Variants in MARCHF8 observed in about 807,000 individuals in gnomAD.
MARCHF8 encodes E3 ubiquitin-protein ligase MARCHF8.
Under a neutral mutation model 51.6 loss-of-function variants are expected in MARCHF8, and 40 were observed. The observed-to-expected ratio is 0.77, with a 90% CI of 0.60 to 1.01. The LOEUF is 1.01. Among genes scored for constraint, MARCHF8 ranks in the 50% least tolerant of loss-of-function variants. MARCHF8 has a pLI of 0.00. For missense variants in MARCHF8, 685 were observed against 708.6 expected (o/e 0.97, Z 0.38); for synonymous variants, 263 against 280.3 (o/e 0.94, Z 0.62).
intron 2 of MARCHF8, among the ~76,000 whole-genome samples, chr10:45,532,002 T>A (rs1455852021): frequency 6.6e-6 from 1 of 152,108 alleles, no homozygotes; most frequent in Middle Eastern, 3.2e-3. Context: ...CTGCTGAAGC[T>A]CTCACGGGGC....
At chr10:45,490,113 A>G (rs536062776) in intron 2 of MARCHF8, among the ~76,000 whole-genome samples, 1 of 152,348 alleles carries the variant, frequency 6.6e-6, no homozygotes, top group African/African-American at 2.4e-5. Flanking sequence ...TTTCTCAGCT[A>G]GAATTCTTGA....
At chr10:45,539,691 C>T (rs1012847498), upstream of MARCHF8, among the ~76,000 whole-genome samples, 1 of 152,178 alleles carries the variant, frequency 6.6e-6, no homozygotes, top group African/African-American at 2.4e-5. Context: ...ACTATAAACA[C>T]CTCTATGCAA....
At chr10:45,561,310 T>C (rs2044308122) in intron 1 of MARCHF8, among the ~76,000 whole-genome samples, 1 of 151,258 alleles carries the variant, frequency 6.6e-6, no homozygotes, top group Non-Finnish European at 1.5e-5. Flanking sequence ...ACTCTCCATC[T>C]GTCACCCAGG....
intron 1 of MARCHF8, among the ~76,000 whole-genome samples, chr10:45,563,309 G>A (rs937025815): frequency 6.6e-6 from 1 of 152,140 alleles, no homozygotes. Flanking sequence ...TTACAGCCGT[G>A]AGCCACTGCG....
chr10:45,562,158 T>C (rs1043309383), intron 1 of MARCHF8, among the ~76,000 whole-genome samples: 2 of 152,062 alleles, frequency 1.3e-5, no homozygotes, highest in Non-Finnish European at 2.9e-5. Context: ...AAGAATAGAC[T>C]GAGATGGACT....
At chr10:45,557,997 G>A (rs1170598626) in intron 1 of MARCHF8, among the ~76,000 whole-genome samples, 1 of 152,204 alleles carries the variant, frequency 6.6e-6, no homozygotes, top group Non-Finnish European at 1.5e-5. Flanking sequence ...TGTAAGAAAT[G>A]TCAATGATCA....
chr10:45,585,532 A>G (rs998286415), intron 1 of MARCHF8, among the ~76,000 whole-genome samples: 1 of 152,230 alleles, frequency 6.6e-6, no homozygotes. Flanking sequence ...AGGGCAAAAC[A>G]ACACAGCTTA....
At chr10:45,534,077 G>A (rs1313374596) in intron 1 of MARCHF8, among the ~76,000 whole-genome samples, 2 of 152,116 alleles carry the variant, frequency 1.3e-5, no homozygotes, top group Non-Finnish European at 2.9e-5. Flanking sequence ...CAGCTACTCA[G>A]GAGGCTGAGG....
At chr10:45,548,245 A>T (rs1336833234) in intron 1 of MARCHF8, among the ~76,000 whole-genome samples, 2 of 152,192 alleles carry the variant, frequency 1.3e-5, no homozygotes, top group African/African-American at 4.8e-5. Flanking sequence ...CTTGGCTAAG[A>T]GAGAGCAGTC....
At chr10:45,573,164 T>C (rs568559354) in intron 1 of MARCHF8, among the ~76,000 whole-genome samples, 2 of 152,304 alleles carry the variant, frequency 1.3e-5, no homozygotes, top group Admixed American at 1.3e-4. Context: ...TAAGACTCTT[T>C]ACAGCCCTAG....
Position 45,561,755 on chromosome 10 carries a change from G to A in MARCHF8, c.-78-28466C>T, listed in dbSNP as rs373195734. On this transcript the variant is annotated intron_variant, in intron 1 of 6. Coordinates refer to the MARCHF8 transcript ENST00000319836. Reference sequence around the variant, plus strand: ...CTCTACTAAAAAATACAAAAAATTAGCAGGGCGTGGTGGCAGGTGCCTGTA... The same window carrying A: ...CTCTACTAAAAAATACAAAAAATTAACAGGGCGTGGTGGCAGGTGCCTGTA... Among the ~76,000 whole-genome samples the A allele has an allele frequency of 4.0e-5, 6 of 150,734 alleles. No individual in the cohort carries two copies. The East Asian group carries it at 9.8e-4, about 25-fold the overall frequency.
Position 45,533,198 on chromosome 10 carries a change from A to G in MARCHF8, c.14T>C (p.Leu5Pro), listed in dbSNP as rs1421782850. ...GGATGGAATGGCAGAGATCTGATGC[A>G]GTGGCATGCTCATCCCAACCTCTTA... The part of the protein sequence containing the change: MSMP[L>P]HQISAIPSQD... The change falls in exon 2 of 8, where the codon CTG becomes CCG. Residue 5 changes from leucine to proline, a missense_variant. Leu to Pro is a moderately conservative substitution (Grantham distance 98). Transcript: ENST00000453424. 1 of 1,610,756 alleles carries G rather than the reference A, an allele frequency of 6.2e-7. No homozygotes were observed. Among genetic ancestry groups the G allele is most frequent in the Non-Finnish European group, 8.5e-7 (1 of 1,178,600 alleles).
intron 2 of MARCHF8, among the ~76,000 whole-genome samples, chr10:45,525,841 T>TC (rs2043783210): frequency 6.6e-6 from 1 of 152,168 alleles, no homozygotes; most frequent in Non-Finnish European, 1.5e-5. Context: ...AAATACCTGA[T>TC]CAGTATTCTT....
At chr10:45,538,880 C>T (rs1017416513), upstream of MARCHF8, among the ~76,000 whole-genome samples, 13 of 152,190 alleles carry the variant, frequency 8.5e-5, no homozygotes, top group African/African-American at 3.1e-4. Flanking sequence ...AAAGTTTTAA[C>T]ACCCCACTGT....
chr10:45,468,183 T>G lies in MARCHF8; in HGVS notation c.154-3856A>C, dbSNP rs923460386. ...TCAAATTCACCATTTTAAATGATTTTAACAAGGTTGCCAAAGAACATACGG... is the reference window on the plus strand; with the variant it reads ...TCAAATTCACCATTTTAAATGATTTGAACAAGGTTGCCAAAGAACATACGG... On this transcript the variant is annotated intron_variant, in intron 3 of 7. Coordinates refer to ENST00000453424, the MANE Select transcript of MARCHF8 (RefSeq NM_001282866.2). 4.6e-5 allele frequency among the ~76,000 whole-genome samples: 7 copies of G among 152,232 alleles called. No homozygotes were observed. In the East Asian group the frequency reaches 1.3e-3, roughly 29 times the overall value.
intron 1 of MARCHF8, among the ~76,000 whole-genome samples, chr10:45,587,457 A>T (rs535024986): frequency 6.6e-6 from 1 of 152,318 alleles, no homozygotes; most frequent in Admixed American, 6.5e-5. Context: ...GAGCTATACC[A>T]TGTTCATGTA....
intron 2 of MARCHF8, among the ~76,000 whole-genome samples, chr10:45,509,521 C>T (rs2043454366): frequency 6.6e-6 from 1 of 152,162 alleles, no homozygotes; most frequent in Non-Finnish European, 1.5e-5. Context: ...AAGAATCTGT[C>T]CTCTTTTTTA....
intron 3 of MARCHF8, among the ~76,000 whole-genome samples, chr10:45,480,156 T>C (rs2042859594): frequency 6.6e-6 from 1 of 152,164 alleles, no homozygotes; most frequent in Admixed American, 6.5e-5. Context: ...AGGGAGATGA[T>C]TTATGGTATC....
intron 2 of MARCHF8, among the ~76,000 whole-genome samples, chr10:45,507,143 A>T (rs1284770259): frequency 3.3e-5 from 5 of 152,226 alleles, no homozygotes; most frequent in Non-Finnish European, 5.9e-5. Context: ...ACTTTGGCTA[A>T]AAGTTATCAA....
Sources: allele counts gnomAD v4.1 joint callset (sites outside exome capture counted in the v4.1 genomes callset), GRCh38; gene constraint gnomAD v4.1.1; transcripts MANE v1.5; gene names NCBI Gene and HGNC (gene_info 2026-07-23, HGNC 2026-07-21).